GDAP1L1: variants seen among roughly 807,000 people sequenced by gnomAD.
GDAP1L1 encodes the protein ganglioside induced differentiation associated protein 1 like 1.
A neutral mutation model predicts 37.1 loss-of-function variants in GDAP1L1; 21 were observed. The observed-to-expected ratio is 0.57, with a 90% confidence interval of 0.40 to 0.81. GDAP1L1 has a LOEUF of 0.81. Among genes scored for constraint, GDAP1L1 ranks in the 40% least tolerant of loss-of-function variants. GDAP1L1 has a pLI of 0.00. For synonymous variants in GDAP1L1, 193 were observed against 209.1 expected (o/e 0.92, Z 0.67); for missense variants, 362 against 491.6 (o/e 0.74, Z 2.49).
intron 1 of GDAP1L1, among the ~76,000 whole-genome samples, chr20:44,249,886 T>G (rs979186135): frequency 6.6e-6 from 1 of 152,216 alleles, no homozygotes; most frequent in Non-Finnish European, 1.5e-5. Context: ...TGAGTGACCT[T>G]GGACAAGTCA....
chr20:44,258,805 C>T (rs2073616320), intron 3 of GDAP1L1, among the ~76,000 whole-genome samples, 198 bp downstream of exon 3: 1 of 152,090 alleles, frequency 6.6e-6, no homozygotes, highest in Non-Finnish European at 1.5e-5. Flanking sequence ...GTCTCTCTCT[C>T]TCTCTCTTGC....
rs564554008 is a variant in GDAP1L1 at position 44,255,322 on chromosome 20, G to A, written c.181-1831G>A. Among the ~76,000 whole-genome samples, 16 of 151,954 alleles carry A rather than the reference G, an allele frequency of 1.1e-4. 1 individual carries two copies. The South Asian group carries it at 3.3e-3, about 32-fold the overall frequency. ...TTTGGGAGGTCAAGACAGGTGGATC[G>A]CTTGAGGTCAGGAGTTCAAGACCAG... On this transcript the variant is annotated intron_variant, in intron 1 of 5. Transcript: ENST00000342560.
At chr20:44,250,382 C>T (rs747892808) in intron 1 of GDAP1L1, among the ~76,000 whole-genome samples, 52 of 152,162 alleles carry the variant, frequency 3.4e-4, no homozygotes, top group Non-Finnish European at 5.3e-4. Context: ...CCAACAGGGT[C>T]GTTGTAAGGA....
chr20:44,264,990 G>C (rs761331), intron 5 of GDAP1L1: 223,115 of 984,552 alleles, frequency 0.23, 28,129 homozygotes, highest in East Asian at 0.49. Context: ...TTTCCAGCAT[G>C]TCACAACTGA....
At chr20:44,250,306 G>A (rs1164537128) in intron 1 of GDAP1L1, among the ~76,000 whole-genome samples, 1 of 152,196 alleles carries the variant, frequency 6.6e-6, no homozygotes, top group Non-Finnish European at 1.5e-5. Context: ...TCCCGTGCAA[G>A]CTGCTTAACC....
rs568571492 is a variant in GDAP1L1 at position 44,280,693 on chromosome 20, C to G, written c.*1393C>G. ...TTATAATCCCAGTGCTTTGGGAGGC[C>G]AAGGCGGGAGAATTGCTCCAGGCCA... On this transcript the variant is annotated 3_prime_UTR_variant, in exon 6 of 6. Transcript: ENST00000342560. The G allele has an allele frequency of 2.6e-5, 4 of 152,328 alleles. No individual in the cohort carries two copies. Among genetic ancestry groups the G allele is most frequent in the Admixed American group, 2.6e-4 (4 of 15,300 alleles). 9.4% of individuals were successfully genotyped at this position (152,328 alleles called of 1,614,324 possible). A position where few individuals can be genotyped will look rare whatever the true frequency, so the allele number is the denominator to read the frequency against.
In GDAP1L1 at chr20:44,257,188, C is replaced by T. The variant is rs537531564; in HGVS notation, c.216C>T (p.Cys72=). 2.1e-5 allele frequency: 33 copies of T among 1,604,810 alleles called. No homozygotes were observed. Among genetic ancestry groups the T allele is most frequent in the African/African-American group, 1.7e-4 (13 of 74,872 alleles). ...TGATCGCCGAGAAGGGCCTGGTGTG[C>T]GAGGAGCGGGACGTGAGCCTGCCAC... The part of the protein sequence containing the change: ...RLVIAEKGLV[C]EERDVSLPQS... Residue 72 remains cysteine (C), a synonymous_variant, in exon 2 of 6, where the codon TGC becomes TGT. Transcript: ENST00000342560.
chr20:44,273,373 T>G (rs2062540565), intron 5 of GDAP1L1, among the ~76,000 whole-genome samples: 1 of 152,186 alleles, frequency 6.6e-6, no homozygotes, highest in South Asian at 2.1e-4. Context: ...CCTGGGCCTG[T>G]TCTCTGATCT....
chr20:44,269,419 C>G (rs981380765), intron 5 of GDAP1L1, among the ~76,000 whole-genome samples: 3 of 152,020 alleles, frequency 2.0e-5, no homozygotes, highest in Admixed American at 1.3e-4. Flanking sequence ...CTGAGTTGTT[C>G]CGGTTTTATA....
At chr20:44,274,618 C>T (rs1179048787) in intron 5 of GDAP1L1, among the ~76,000 whole-genome samples, 2 of 152,146 alleles carry the variant, frequency 1.3e-5, no homozygotes, top group East Asian at 1.9e-4. Flanking sequence ...ACTTGCTGGA[C>T]ACCACACTCT....
At position 44,280,890 on chromosome 20, in the gene GDAP1L1, A is replaced by G. The variant is rs1367289573; in HGVS notation, c.*1590A>G. Reference sequence around the variant, plus strand: ...CAAAGAACATTAAATCAGGAGTATAATGTGTAGAATATAAGGCATGGTTTT... The same window carrying G: ...CAAAGAACATTAAATCAGGAGTATAGTGTGTAGAATATAAGGCATGGTTTT... On this transcript the variant is annotated 3_prime_UTR_variant, in exon 6 of 6. Coordinates refer to ENST00000342560, the MANE Select transcript of GDAP1L1 (RefSeq NM_024034.6). 2 of 152,274 alleles carry G rather than the reference A, an allele frequency of 1.3e-5. No homozygotes were observed. The highest frequency in any genetic ancestry group is 2.9e-5 in the Non-Finnish European group (2 of 68,046). 9.4% of individuals were successfully genotyped at this position (152,274 alleles called of 1,614,324 possible). A position where few individuals can be genotyped will look rare whatever the true frequency, so the allele number is the denominator to read the frequency against.
At chr20:44,278,784 T>A (rs2062611111) in intron 5 of GDAP1L1, among the ~76,000 whole-genome samples, 173 bp from the exon 6 acceptor site, 1 of 151,730 alleles carries the variant, frequency 6.6e-6, no homozygotes. Context: ...AACAAAAAAA[T>A]AATAATAGAA....
chr20:44,263,016 T>C (rs887477914), intron 3 of GDAP1L1, among the ~76,000 whole-genome samples: 1 of 152,142 alleles, frequency 6.6e-6, no homozygotes, highest in Non-Finnish European at 1.5e-5. Context: ...GATTTCTTTA[T>C]GTGCCTATCT....
chr20:44,257,313 T>A lies in GDAP1L1; in HGVS notation c.341T>A (p.Ile114Asn). 5 of 1,613,850 alleles carry A rather than the reference T, an allele frequency of 3.1e-6. No homozygotes were observed. Among genetic ancestry groups the A allele is most frequent in the Non-Finnish European group, 4.2e-6 (5 of 1,179,934 alleles). Residue 114 changes from isoleucine to asparagine, a missense_variant, in exon 2 of 6, where the codon ATC becomes AAC. Transcript: ENST00000342560. The part of the protein sequence containing the change: ...RDNIISDYDQ[I>N]IDYVERTFTG... ...AACATCATCAGTGACTATGACCAGATCATTGACTATGTGGAGCGCACCTTC... is the reference window on the plus strand; with the variant it reads ...AACATCATCAGTGACTATGACCAGAACATTGACTATGTGGAGCGCACCTTC...
intron 5 of GDAP1L1, among the ~76,000 whole-genome samples, chr20:44,267,615 A>AG (rs1465566231): frequency 2.3e-4 from 33 of 144,810 alleles, no homozygotes; most frequent in Non-Finnish European, 3.9e-4. Flanking sequence ...TGTCTCAAAG[A>AG]GAAAAAAAAA....
At position 44,257,243 on chromosome 20, in the gene GDAP1L1, C is replaced by T. The variant is rs377474335; in HGVS notation, c.271C>T (p.Arg91Trp). 1.9e-6 allele frequency: 3 copies of T among 1,613,158 alleles called. No homozygotes were observed. The highest frequency in any genetic ancestry group is 2.2e-5 in the East Asian group (1 of 44,864). Residue 91 changes from arginine (R) to tryptophan (W), a missense_variant, in exon 2 of 6, where the codon CGG (arginine) becomes TGG (tryptophan). Transcript: ENST00000342560. ...CGAGCACAAGGAGCCCTGGTTCATG[C>T]GGCTCAACCTGGGCGAGGAGGTGCC... ...QSEHKEPWFMRLNLGEEVPVI... is the reference protein window; with the variant it reads ...QSEHKEPWFMWLNLGEEVPVI...
chr20:44,277,359 G>T (rs916009260), intron 5 of GDAP1L1, among the ~76,000 whole-genome samples: 2 of 152,236 alleles, frequency 1.3e-5, no homozygotes, highest in Non-Finnish European at 2.9e-5. Flanking sequence ...GAGCTCTGAG[G>T]CTGTGCAGGA....
rs991237037 is a variant in GDAP1L1, at chr20:44,247,566, G to C, written c.180+52G>C. On this transcript the variant is annotated intron_variant, in intron 1 of 5. Coordinates refer to ENST00000342560, the MANE Select transcript of GDAP1L1 (RefSeq NM_024034.6). Reference sequence around the variant, plus strand: ...GCCGGTGGCCAGGAAGCTTGGGGAGGGGAGCCCCAGGGCTTGAGGGATCTG... The same window carrying C: ...GCCGGTGGCCAGGAAGCTTGGGGAGCGGAGCCCCAGGGCTTGAGGGATCTG... 72 of 1,429,850 alleles carry C rather than the reference G, an allele frequency of 5.0e-5. No individual in the cohort carries two copies. The African/African-American group carries it at 9.4e-4, about 19-fold the overall frequency. 88.6% of individuals were successfully genotyped at this position (1,429,850 alleles called of 1,614,324 possible).
In GDAP1L1 at chr20:44,247,363, C is replaced by T. The variant is rs933805498; in HGVS notation, c.29C>T (p.Thr10Ile). ...GCGACCCCCAACAATCTGACCCCCA[C>T]CAACTGCAGCTGGTGGCCCATCTCC... MATPNNLTP[T>I]NCSWWPISAL... Residue 10 changes from threonine (T) to isoleucine (I), a missense_variant, in exon 1 of 6, where the codon ACC (threonine) becomes ATC (isoleucine). Thr to Ile is a moderately conservative substitution (Grantham distance 89). Coordinates refer to ENST00000342560, the MANE Select transcript of GDAP1L1 (RefSeq NM_024034.6). 3 of 1,613,588 alleles carry T rather than the reference C, an allele frequency of 1.9e-6. No homozygotes were observed. The highest frequency in any genetic ancestry group is 2.5e-6 in the Non-Finnish European group (3 of 1,179,906).
Sources: gnomAD v4.1 joint callset for allele counts (sites outside exome capture counted in the v4.1 genomes callset) on GRCh38, gnomAD v4.1.1 for gene constraint, MANE v1.5 for transcripts, NCBI Gene and HGNC (gene_info 2026-07-23, HGNC 2026-07-21) for gene names.